CR1L: variants seen among roughly 807,000 people sequenced by gnomAD.
The protein encoded by CR1L is complement component receptor 1-like protein.
A neutral mutation model predicts 62.3 loss-of-function variants in CR1L; 59 were observed. That is an observed-to-expected ratio of 0.95 (90% CI 0.77 to 1.18). The LOEUF is 1.18. Among genes scored for constraint, CR1L ranks in the 50% most tolerant of loss-of-function variants. The pLI is 0.00. For synonymous variants in CR1L, 279 were observed against 248.7 expected, an observed-to-expected ratio of 1.12 and a Z score of -1.15; for missense variants, 700 against 702.8, an observed-to-expected ratio of 1.00 and a Z score of 0.04.
intron 10 of CR1L, among the ~76,000 whole-genome samples, chr1:207,712,548 T>C (rs914749690): frequency 6.6e-6 from 1 of 152,176 alleles, no homozygotes; most frequent in African/African-American, 2.4e-5. Flanking sequence ...CCTCCAGAAA[T>C]CCTGCATGGT....
intron 1 of CR1L, among the ~76,000 whole-genome samples, chr1:207,663,450 G>A (rs879728092): frequency 5.9e-5 from 9 of 152,352 alleles, no homozygotes; most frequent in Middle Eastern, 3.4e-3. Context: ...AGCCATGTGC[G>A]GGATATAATC....
At position 207,697,665 on chromosome 1, in the gene CR1L, C is replaced by T. The variant is rs1438611800; in HGVS notation, c.1025C>T (p.Ala342Val). ...CTPQGDWSPA[A>V]PRCEVKSCDD... ...CCCCAGGGAGACTGGAGCCCTGCAG[C>T]CCCCAGATGTGAAGGTGACTAGACT... is the stretch of plus-strand genomic sequence containing the variant. Residue 342 changes from alanine (A) to valine (V), a missense_variant, in exon 6 of 12, where the codon GCC becomes GTC. By Grantham distance (64) the Ala-to-Val change is moderately conservative (BLOSUM62 0). Coordinates refer to ENST00000508064, the MANE Select transcript of CR1L (RefSeq NM_175710.2). 6.2e-7 allele frequency: 1 copy of T among 1,613,982 alleles called. No individual in the cohort carries two copies. The highest frequency in any genetic ancestry group is 2.2e-5 in the East Asian group (1 of 44,880).
At position 207,652,499 on chromosome 1, in the gene CR1L, A is replaced by G. The variant is rs928848761; in HGVS notation, c.97+7169A>G. 4.8e-6 allele frequency: 5 copies of G among 1,046,470 alleles called. No homozygotes were observed. The African/African-American group carries it at 7.8e-5, about 16-fold the overall frequency. The allele number at this position is 1,046,470 out of a possible 1,614,324, so 64.8% of individuals were successfully genotyped here. ...CCAGACCACAGTCCATGGCTGATGAAAGTGATATCAGTACTTCATCTTCAT... is the reference window on the plus strand; with the variant it reads ...CCAGACCACAGTCCATGGCTGATGAGAGTGATATCAGTACTTCATCTTCAT... On this transcript the variant is annotated intron_variant, in intron 1 of 11. Coordinates refer to ENST00000508064, the MANE Select transcript of CR1L (RefSeq NM_175710.2).
intron 8 of CR1L, among the ~76,000 whole-genome samples, chr1:207,699,997 A>G (rs1234630119): frequency 1.3e-5 from 2 of 152,222 alleles, no homozygotes; most frequent in Non-Finnish European, 2.9e-5. Flanking sequence ...TACCTAAATA[A>G]TTTATGCTGA....
intron 10 of CR1L, among the ~76,000 whole-genome samples, chr1:207,712,665 C>A (rs1006604858): frequency 1.3e-5 from 2 of 152,170 alleles, no homozygotes; most frequent in African/African-American, 4.8e-5. Flanking sequence ...CACTGCATGC[C>A]CCAGGGAGAC....
At chr1:207,697,729 T>C (rs1280116908) in intron 6 of CR1L, 42 bp from the exon 7 acceptor site, 16 of 1,613,886 alleles carry the variant, frequency 9.9e-6, no homozygotes, top group Non-Finnish European at 1.4e-5. Context: ...GTCTTTATTC[T>C]CCACATGCCA....
chr1:207,710,948 C>G (rs1480170872), intron 10 of CR1L: 1 of 714,124 alleles, frequency 1.4e-6, no homozygotes, highest in Non-Finnish European at 2.3e-6. Context: ...TGCAAGCACT[C>G]ATGCATATGT....
chr1:207,647,778 C>G (rs1192996205), intron 1 of CR1L, among the ~76,000 whole-genome samples: 2 of 152,330 alleles, frequency 1.3e-5, no homozygotes, highest in Non-Finnish European at 2.9e-5. Context: ...TCTGTCTCCC[C>G]TGTTTATGTT....
At chr1:207,669,502 C>G in intron 1 of CR1L, 1 of 1,582,838 alleles carries the variant, frequency 6.3e-7, no homozygotes, top group South Asian at 1.1e-5. Flanking sequence ...GCCCGGTCTC[C>G]CCTTCTGCTG....
intron 1 of CR1L, among the ~76,000 whole-genome samples, chr1:207,648,347 G>A (rs1345001028): frequency 6.6e-6 from 1 of 151,910 alleles, no homozygotes; most frequent in Non-Finnish European, 1.5e-5. Context: ...TGAAGAGAAG[G>A]AAAAATAAGG....
intron 1 of CR1L, among the ~76,000 whole-genome samples, chr1:207,662,854 T>G (rs1047881929): frequency 2.0e-5 from 3 of 152,254 alleles, no homozygotes; most frequent in Non-Finnish European, 4.4e-5. Flanking sequence ...TTTGTTAGTT[T>G]TCCTTCTAAC....
At chr1:207,662,124 C>T (rs573101446) in intron 1 of CR1L, among the ~76,000 whole-genome samples, 3 of 152,154 alleles carry the variant, frequency 2.0e-5, no homozygotes, top group African/African-American at 7.2e-5. Context: ...AATTATGTGT[C>T]TTGGAGTTGC....
intron 3 of CR1L, among the ~76,000 whole-genome samples, chr1:207,679,685 G>A (rs751280860): frequency 3.3e-5 from 5 of 152,156 alleles, no homozygotes; most frequent in Non-Finnish European, 5.9e-5. Flanking sequence ...GCCAAAACTT[G>A]GAAGCAATCA....
At position 207,699,204 on chromosome 1, in the gene CR1L, C is replaced by G; in HGVS notation, c.1158C>G (p.Gly386=). The G allele has an allele frequency of 6.2e-7, 1 of 1,613,754 alleles. No individual in the cohort carries two copies. The highest frequency in any genetic ancestry group is 1.1e-5 in the South Asian group (1 of 91,074). The part of the protein sequence containing the change: ...FVCDEGFQLK[G]SSASYCVLAG... The stretch of plus-strand genomic sequence containing the variant: ...TCTTCTTTAGATTTCAATTAAAAGG[C>G]AGCTCTGCTAGTTACTGTGTTTTGG... The change falls in exon 8 of 12, where the codon GGC becomes GGG. Residue 386 remains glycine (G), a synonymous_variant. Coordinates refer to ENST00000508064, the MANE Select transcript of CR1L (RefSeq NM_175710.2).
chr1:207,722,552 A>G (rs940648641), intron 11 of CR1L, among the ~76,000 whole-genome samples: 1 of 151,354 alleles, frequency 6.6e-6, no homozygotes, highest in Non-Finnish European at 1.5e-5. Flanking sequence ...ATTGATCTAT[A>G]TCTCTGTTTT....
chr1:207,695,235 C>T (rs969988295), intron 5 of CR1L, among the ~76,000 whole-genome samples: 1 of 152,178 alleles, frequency 6.6e-6, no homozygotes, highest in Non-Finnish European at 1.5e-5. Flanking sequence ...AAGCAATTCT[C>T]CTGCCTGAGC....
rs144570877 is a variant in CR1L at position 207,669,237 on chromosome 1, T to G, written c.98-8152T>G. 1.1e-3 allele frequency: 439 copies of G among 413,228 alleles called. 9 individuals carry two copies. In the East Asian group the frequency reaches 0.016, roughly 15 times the overall value. The allele number at this position is 413,228 out of a possible 1,614,324, so 25.6% of individuals were successfully genotyped here. Reference sequence around the variant, plus strand: ...GCAAGGTGGGCTCTGCCAGCGAAACTCGTTAGAAACAATGCAAATGGGGAG... The same window carrying G: ...GCAAGGTGGGCTCTGCCAGCGAAACGCGTTAGAAACAATGCAAATGGGGAG... On this transcript the variant is annotated intron_variant, in intron 1 of 11. Transcript: ENST00000508064.
At chr1:207,706,152 T>C (rs1451320067) in intron 9 of CR1L, among the ~76,000 whole-genome samples, 1 of 151,698 alleles carries the variant, frequency 6.6e-6, no homozygotes, top group South Asian at 2.1e-4. Flanking sequence ...GTGGGCACAG[T>C]GGCTCACACC....
At chr1:207,680,051 C>A (rs1663771861) in intron 3 of CR1L, among the ~76,000 whole-genome samples, 1 of 152,088 alleles carries the variant, frequency 6.6e-6, no homozygotes, top group Non-Finnish European at 1.5e-5. Context: ...ATAAATTTAT[C>A]CAAAGTCATA....
Sources: gnomAD v4.1 joint callset for allele counts (sites outside exome capture counted in the v4.1 genomes callset) on GRCh38, gnomAD v4.1.1 for gene constraint, MANE v1.5 for transcripts, NCBI Gene and HGNC (gene_info 2026-07-23, HGNC 2026-07-21) for gene names.